Variants in RBM19 observed in about 807,000 individuals in gnomAD.
RBM19 encodes the protein RNA binding motif protein 19.
A neutral mutation model predicts 116.8 loss-of-function variants in RBM19; 94 were observed. That is an observed-to-expected ratio of 0.80 (90% confidence interval 0.68 to 0.95). The LOEUF (loss-of-function observed/expected upper bound fraction) is 0.95. Ranked by LOEUF, RBM19 falls within the 40% of genes least tolerant of loss-of-function variation. The probability of loss-of-function intolerance (pLI) is 0.00; values close to 1 mark genes in which losing one functional copy is unlikely to be tolerated. For synonymous variants in RBM19, 475 were observed against 494.1 expected, an observed-to-expected ratio of 0.96 and a Z score of 0.51; for missense variants, 1,161 against 1,220.7, an observed-to-expected ratio of 0.95 and a Z score of 0.73.
At chr12:113,946,595 A>T in intron 11 of RBM19, 120 bp from the exon 12 acceptor site, 1 of 1,358,010 alleles carries the variant, frequency 7.4e-7, no homozygotes, top group Admixed American at 2.0e-5. Context: ...CCCTGACCAG[A>T]GGGTGGGAGG....
chr12:113,952,580 A>AT lies in RBM19; in HGVS notation c.931dup (p.Met311AsnfsTer22), dbSNP rs772266459. ...TGGTTTCAGGGGTGCCAGGAATTCCATAACATTTTTCTGTGAGAAGAAGTT... is the reference window on the plus strand; with the variant it reads ...TGGTTTCAGGGGTGCCAGGAATTCCATTAACATTTTTCTGTGAGAAGAAGTT... On this transcript the variant is annotated frameshift_variant, in exon 8 of 24. Coordinates refer to ENST00000261741, the MANE Select transcript of RBM19 (RefSeq NM_016196.4). LOFTEE classifies it high-confidence loss of function. The AT allele has an allele frequency of 6.2e-7, 1 of 1,613,984 alleles. No homozygotes were observed. Among genetic ancestry groups the AT allele is most frequent in the Non-Finnish European group, 8.5e-7 (1 of 1,179,868 alleles).
intron 18 of RBM19, 49 bp downstream of exon 18, chr12:113,924,648 A>G (rs756090988): frequency 2.1e-5 from 31 of 1,477,852 alleles, no homozygotes; most frequent in Non-Finnish European, 2.8e-5. Flanking sequence ...TTTGGAATCC[A>G]CTCTTTCCGG....
intron 22 of RBM19, among the ~76,000 whole-genome samples, chr12:113,848,835 G>A (rs2135724409): frequency 6.6e-6 from 1 of 152,312 alleles, no homozygotes; most frequent in East Asian, 1.9e-4. Context: ...AGGAGTTACT[G>A]CACCTTTGTT....
chr12:113,901,680 T>C (rs577355536), intron 21 of RBM19, among the ~76,000 whole-genome samples: 112 of 152,196 alleles, frequency 7.4e-4, no homozygotes, highest in African/African-American at 2.5e-3. Flanking sequence ...GGCTAATTTT[T>C]TTTTTTCTAT....
chr12:113,836,994 TACAC>T (rs55991489), intron 23 of RBM19, among the ~76,000 whole-genome samples: 1,834 of 56,156 alleles, frequency 0.033, 107 homozygotes, highest in African/African-American at 0.082. Context: ...ACTTACTACA[TACAC>T]ACACACACAC....
intron 21 of RBM19, among the ~76,000 whole-genome samples, chr12:113,875,095 C>T (rs1193059245): frequency 4.6e-5 from 7 of 152,236 alleles, no homozygotes; most frequent in Admixed American, 2.6e-4. Context: ...AGCCACGGTG[C>T]GGACCGTTCG....
chr12:113,944,093 G>GTTTTTTTT lies in RBM19; in HGVS notation c.1627-1667_1627-1660dup, dbSNP rs71433305. Among the ~76,000 whole-genome samples the GTTTTTTTT allele has an allele frequency of 2.2e-4, 15 of 67,662 alleles. 1 individual carries two copies. The highest frequency in any genetic ancestry group is 9.5e-4 in the African/African-American group (15 of 15,870). The allele number at this position is 67,662 out of a possible 152,430, so 44.4% of individuals were successfully genotyped here. On this transcript the variant is annotated intron_variant, in intron 13 of 23. Coordinates refer to ENST00000261741, the MANE Select transcript of RBM19 (RefSeq NM_016196.4). ...CAGCTGCCTCTAACTCCAGATGCAT[G>GTTTTTTTT]TTTTTTTTTTTTTTTTTTTTTTTTG...
intron 22 of RBM19, among the ~76,000 whole-genome samples, chr12:113,845,149 G>A (rs909218072): frequency 3.3e-5 from 5 of 152,180 alleles, no homozygotes; most frequent in African/African-American, 1.2e-4. Flanking sequence ...ACTTGAGAAA[G>A]CCGAGCCCTG....
At chr12:113,947,725 C>T (rs547211807) in intron 10 of RBM19, among the ~76,000 whole-genome samples, 120 of 152,376 alleles carry the variant, frequency 7.9e-4, no homozygotes, top group African/African-American at 2.6e-3. Flanking sequence ...ACAACAGTAC[C>T]TAGCTCATGG....
chr12:113,938,569 T>C (rs374944876), intron 15 of RBM19, among the ~76,000 whole-genome samples: 7 of 152,258 alleles, frequency 4.6e-5, no homozygotes, highest in African/African-American at 1.7e-4. Flanking sequence ...ACCGCAAGGG[T>C]ATGTCTATAT....
At chr12:113,947,937 G>A (rs746835335) in intron 10 of RBM19, among the ~76,000 whole-genome samples, 5 of 152,226 alleles carry the variant, frequency 3.3e-5, no homozygotes, top group South Asian at 2.1e-4. Flanking sequence ...GCAATATATC[G>A]ACAAATGCTT....
chr12:113,858,256 G>T (rs1015631547), intron 22 of RBM19, among the ~76,000 whole-genome samples: 4 of 152,230 alleles, frequency 2.6e-5, no homozygotes, highest in African/African-American at 9.6e-5. Flanking sequence ...GGAGCCTGGA[G>T]GGATTTCGGT....
At chr12:113,863,919 C>T (rs1878610059) in intron 21 of RBM19, among the ~76,000 whole-genome samples, 2 of 152,216 alleles carry the variant, frequency 1.3e-5, no homozygotes, top group South Asian at 4.1e-4. Context: ...CACATCTGTC[C>T]ATTCACTGGG....
At chr12:113,900,992 G>C (rs1593554649) in intron 21 of RBM19, among the ~76,000 whole-genome samples, 1 of 152,300 alleles carries the variant, frequency 6.6e-6, no homozygotes, top group African/African-American at 2.4e-5. Flanking sequence ...GGAGAATCTG[G>C]AGAGACACAG....
At chr12:113,823,423 A>T (rs1874593860) in intron 23 of RBM19, 102 bp from the exon 24 acceptor site, 2 of 983,070 alleles carry the variant, frequency 2.0e-6, no homozygotes, top group African/African-American at 1.6e-5. Flanking sequence ...GGGAGAGATG[A>T]GCAGAACAAG....
At chr12:113,915,392 A>G (rs567559194) in intron 20 of RBM19, among the ~76,000 whole-genome samples, 74 of 152,246 alleles carry the variant, frequency 4.9e-4, no homozygotes, top group African/African-American at 1.7e-3. Context: ...ACCAAACCCA[A>G]TCTCCATTGT....
Position 113,959,513 on chromosome 12 carries a change from A to T in RBM19, c.379-109T>A, listed in dbSNP as rs571377252. On this transcript the variant is annotated intron_variant, in intron 4 of 23. Coordinates refer to ENST00000261741, the MANE Select transcript of RBM19 (RefSeq NM_016196.4). ...TTCTAACTCTTAAGAGGGTGAGAAG[A>T]TCCCTCAAGCTAATTTCCCCCATTC... 8.4e-5 allele frequency: 105 copies of T among 1,248,216 alleles called. No individual in the cohort carries two copies. In the African/African-American group the frequency reaches 1.5e-3, roughly 18 times the overall value. The allele number at this position is 1,248,216 out of a possible 1,614,324, so 77.3% of individuals were successfully genotyped here.
chr12:113,910,511 C>G (rs1321920127), intron 21 of RBM19, among the ~76,000 whole-genome samples: 1 of 152,194 alleles, frequency 6.6e-6, no homozygotes, highest in Admixed American at 6.5e-5. Flanking sequence ...GCAGAACCTC[C>G]TTCCTGGAAG....
intron 8 of RBM19, among the ~76,000 whole-genome samples, chr12:113,950,449 C>T (rs1032303339): frequency 3.3e-5 from 5 of 152,172 alleles, no homozygotes; most frequent in African/African-American, 4.8e-5. Flanking sequence ...CCCCATCCCC[C>T]GACTGGCACC....
Sources: gnomAD v4.1 joint callset for allele counts (sites outside exome capture counted in the v4.1 genomes callset) on GRCh38, gnomAD v4.1.1 for gene constraint, MANE v1.5 for transcripts, NCBI Gene and HGNC (gene_info 2026-07-23, HGNC 2026-07-21) for gene names.